PPP3CC: variants seen among roughly 807,000 people sequenced by gnomAD.
The protein encoded by PPP3CC is serine/threonine-protein phosphatase 2B catalytic subunit gamma isoform.
In PPP3CC, 35 loss-of-function variants were observed where a neutral mutation model predicts 60.3. The ratio of observed to expected loss-of-function variants is 0.58; its 90% CI spans 0.44 to 0.77. The LOEUF (loss-of-function observed/expected upper bound fraction) is 0.77, where lower values mean the gene tolerates loss of function less well. Ranked by LOEUF, PPP3CC falls within the 30% of genes least tolerant of loss-of-function variation. The pLI, the probability that PPP3CC is intolerant of heterozygous loss-of-function variation, is 0.00. For synonymous variants in PPP3CC, 206 were observed against 224.3 expected, an observed-to-expected ratio of 0.92 and a Z score of 0.73; for missense variants, 570 against 628.9, an observed-to-expected ratio of 0.91 and a Z score of 1.00.
At chr8:22,445,464 A>T (rs1413480723) in intron 1 of PPP3CC, among the ~76,000 whole-genome samples, 6 of 152,218 alleles carry the variant, frequency 3.9e-5, no homozygotes, top group Non-Finnish European at 7.4e-5. Flanking sequence ...ATTCCTTCCC[A>T]GCAGAAATAA....
At chr8:22,516,312 T>C (rs1839242411) in intron 6 of PPP3CC, among the ~76,000 whole-genome samples, 1 of 152,230 alleles carries the variant, frequency 6.6e-6, no homozygotes, top group South Asian at 2.1e-4. Flanking sequence ...TTTATTTCTT[T>C]TTACATTGCT....
At chr8:22,484,338 A>G (rs1406545061) in intron 3 of PPP3CC, among the ~76,000 whole-genome samples, 1 of 151,362 alleles carries the variant, frequency 6.6e-6, no homozygotes, top group South Asian at 2.1e-4. Flanking sequence ...CATACAACAT[A>G]GTATATATAT....
At chr8:22,464,419 G>A (rs946587606) in intron 1 of PPP3CC, among the ~76,000 whole-genome samples, 8 of 152,084 alleles carry the variant, frequency 5.3e-5, no homozygotes, top group Non-Finnish European at 1.2e-4. Flanking sequence ...TCGCTCAGCT[G>A]TCTAGGCTGG....
Position 22,484,021 on chromosome 8 carries a change from T to A in PPP3CC, c.372+8397T>A, listed in dbSNP as rs534972432. On this transcript the variant is annotated intron_variant, in intron 3 of 13. Transcript: ENST00000240139. ...CACACTTGGCTAATTTTTTTTTTTT[T>A]AATTTTTTTAGAGTTGGGTCTCACT... is the stretch of plus-strand genomic sequence containing the variant. 1.4e-3 allele frequency among the ~76,000 whole-genome samples: 213 copies of A among 151,340 alleles called. 1 individual carries two copies. Among genetic ancestry groups the A allele is most frequent in the Non-Finnish European group, 2.5e-3 (170 of 67,748 alleles).
intron 4 of PPP3CC, 68 bp downstream of exon 4, chr8:22,498,180 A>G: frequency 1.0e-6 from 1 of 954,922 alleles, no homozygotes; most frequent in Admixed American, 2.8e-5. Flanking sequence ...AATCAAACAG[A>G]AAGAAAAAAG....
rs548011886 is a variant in PPP3CC at position 22,468,733 on chromosome 8, T to C, written c.50-6221T>C. On this transcript the variant is annotated intron_variant, in intron 1 of 13. Transcript: ENST00000240139. ...AAAATGGACTCTGATTTAAAGGTAC[T>C]GTTGGAGGCATTGGTGACGGGCCAT... Among the ~76,000 whole-genome samples the C allele has an allele frequency of 6.3e-4, 96 of 152,350 alleles. 1 individual carries two copies. The highest frequency in any genetic ancestry group is 2.1e-3 in the African/African-American group (89 of 41,578).
At chr8:22,481,756 A>G (rs149646742) in intron 3 of PPP3CC, among the ~76,000 whole-genome samples, 3,134 of 151,246 alleles carry the variant, frequency 0.021, 67 homozygotes, top group East Asian at 0.1. Flanking sequence ...TCATTGTTCA[A>G]CTCCCACTTA....
intron 3 of PPP3CC, among the ~76,000 whole-genome samples, chr8:22,477,798 C>G (rs1395753895): frequency 1.3e-5 from 2 of 151,840 alleles, no homozygotes; most frequent in Non-Finnish European, 2.9e-5. Context: ...ACCACTGTGC[C>G]TGGCTAGTCA....
At position 22,449,966 on chromosome 8, in the gene PPP3CC, A is replaced by C. The variant is rs1278640906; in HGVS notation, c.49+8508A>C. On this transcript the variant is annotated intron_variant, in intron 1 of 13. Transcript: ENST00000240139. ...ACTGCAACCTCTGTCTCCCGGGTTC[A>C]AGTGATTATCCTGCCTCAGCCTCCT... 8.0e-5 allele frequency among the ~76,000 whole-genome samples: 12 copies of C among 150,538 alleles called. No individual in the cohort carries two copies. The Admixed American group carries it at 8.0e-4, about 10-fold the overall frequency.
At chr8:22,506,670 A>T (rs2443497) in intron 4 of PPP3CC, among the ~76,000 whole-genome samples, 3 of 151,906 alleles carry the variant, frequency 2.0e-5, no homozygotes, top group Non-Finnish European at 4.4e-5. Context: ...GGCCAGGCAC[A>T]GTGGCTCACG....
intron 3 of PPP3CC, among the ~76,000 whole-genome samples, chr8:22,486,182 G>A (rs1838219097): frequency 6.6e-6 from 1 of 152,104 alleles, no homozygotes; most frequent in African/African-American, 2.4e-5. Flanking sequence ...TGGAAAAATA[G>A]GTTTATAGCA....
intron 3 of PPP3CC, among the ~76,000 whole-genome samples, chr8:22,495,441 G>T (rs193245852): frequency 3.3e-5 from 5 of 151,958 alleles, no homozygotes; most frequent in African/African-American, 1.2e-4. Context: ...ATTTATTTTC[G>T]TATTGTTGGA....
intron 1 of PPP3CC, among the ~76,000 whole-genome samples, chr8:22,451,374 G>A (rs898808070): frequency 1.3e-5 from 2 of 152,054 alleles, no homozygotes; most frequent in Non-Finnish European, 2.9e-5. Flanking sequence ...GACCTCAGGT[G>A]ATCTGCCCTC....
chr8:22,510,880 C>A (rs767429138), intron 4 of PPP3CC: 3 of 523,102 alleles, frequency 5.7e-6, no homozygotes, highest in Non-Finnish European at 1.0e-5. Flanking sequence ...AAAGTTAATC[C>A]AAGGTCACAC....
At chr8:22,460,526 A>G (rs1182438767) in intron 1 of PPP3CC, among the ~76,000 whole-genome samples, 2 of 151,786 alleles carry the variant, frequency 1.3e-5, no homozygotes, top group Non-Finnish European at 2.9e-5. Flanking sequence ...TAGCATGAAA[A>G]CCTTTATTTT....
intron 10 of PPP3CC, chr8:22,531,362 T>C: frequency 6.7e-7 from 1 of 1,503,664 alleles, no homozygotes; most frequent in Middle Eastern, 1.7e-4. Context: ...AGCTTAATGC[T>C]TACTCTCTGT....
rs1837849394 is a variant in PPP3CC at position 22,475,159 on chromosome 8, AAGT to A, written c.247+9_247+11del. ...TAGATGCTCCAATCACAGGTATAAA[AAGT>A]CTTTGCATGATACTTTTTTACAGTA... On this transcript the variant is annotated intron_variant, in intron 2 of 13. Transcript: ENST00000240139. The A allele has an allele frequency of 6.2e-7, 1 of 1,603,142 alleles. No homozygotes were observed. The highest frequency in any genetic ancestry group is 8.5e-7 in the Non-Finnish European group (1 of 1,172,550).
At position 22,487,728 on chromosome 8, in the gene PPP3CC, A is replaced by G. The variant is rs1838267219; in HGVS notation, c.373-10273A>G. ...ATTTTGTGAGAAAAGAAAAGATTAAAGGGAACATTTTCAGCAAAGATATAC... is the reference window on the plus strand; with the variant it reads ...ATTTTGTGAGAAAAGAAAAGATTAAGGGGAACATTTTCAGCAAAGATATAC... On this transcript the variant is annotated intron_variant, in intron 3 of 13. Coordinates refer to ENST00000240139, the MANE Select transcript of PPP3CC (RefSeq NM_005605.5). Among the ~76,000 whole-genome samples, 4 of 152,370 alleles carry G rather than the reference A, an allele frequency of 2.6e-5. No individual in the cohort carries two copies. The South Asian group carries it at 8.3e-4, about 32-fold the overall frequency.
intron 8 of PPP3CC, among the ~76,000 whole-genome samples, chr8:22,523,190 A>C (rs1038256125): frequency 3.9e-5 from 6 of 151,958 alleles, no homozygotes; most frequent in African/African-American, 1.5e-4. Context: ...CTAGTGTACA[A>C]AGTCAAAAAA....
Sources: gnomAD v4.1 joint callset for allele counts (sites outside exome capture counted in the v4.1 genomes callset) on GRCh38, gnomAD v4.1.1 for gene constraint, MANE v1.5 for transcripts, NCBI Gene and HGNC (gene_info 2026-07-23, HGNC 2026-07-21) for gene names.